Variants in RERE observed in about 807,000 individuals in gnomAD.
RERE encodes the protein arginine-glutamic acid dipeptide repeats, also known as arginine-glutamic acid dipeptide repeats protein.
A neutral mutation model predicts 146.1 loss-of-function variants in RERE; 40 were observed. The ratio of observed to expected loss-of-function variants is 0.27; its 90% CI spans 0.21 to 0.36. The LOEUF (loss-of-function observed/expected upper bound fraction) is 0.36. Among genes scored for constraint, RERE ranks in the 10% least tolerant of loss-of-function variants. RERE has a pLI of 1.00. For synonymous variants in RERE, 1,003 were observed against 866.0 expected (o/e 1.16, Z -2.78); for missense variants, 1,933 against 2,138.7 (o/e 0.90, Z 1.90).
intron 1 of RERE, among the ~76,000 whole-genome samples, chr1:8,678,200 T>G (rs1638884555): frequency 6.6e-6 from 1 of 152,206 alleles, no homozygotes; most frequent in South Asian, 2.1e-4. Flanking sequence ...AAAATCAATT[T>G]ATTAGATTTC....
intron 2 of RERE, among the ~76,000 whole-genome samples, chr1:8,651,755 A>G (rs780949464): frequency 2.9e-4 from 44 of 151,952 alleles, no homozygotes; most frequent in Non-Finnish European, 1.2e-4. Flanking sequence ...GAAACAAAAC[A>G]AAGGAAAGAA....
chr1:8,771,909 C>CAAAAAAAAAAAA (rs768264978), intron 1 of RERE, among the ~76,000 whole-genome samples: 6 of 59,350 alleles, frequency 1.0e-4, no homozygotes, highest in African/African-American at 1.8e-4. Flanking sequence ...GACTCTGTCT[C>CAAAAAAAAAAAA]AAAAAAAAAA....
At chr1:8,788,784 G>T (rs1457111275) in intron 1 of RERE, among the ~76,000 whole-genome samples, 1 of 151,698 alleles carries the variant, frequency 6.6e-6, no homozygotes, top group Non-Finnish European at 1.5e-5. Context: ...GACAGATGAG[G>T]ATTCAGGAGC....
At chr1:8,585,891 T>C (rs574364491) in intron 4 of RERE, among the ~76,000 whole-genome samples, 2 of 152,340 alleles carry the variant, frequency 1.3e-5, no homozygotes, top group African/African-American at 2.4e-5. Flanking sequence ...ATAATTAAAA[T>C]CTTACAATTT....
chr1:8,355,336 A>G, intron 22 of RERE, 83 bp downstream of exon 22: 4 of 1,440,466 alleles, frequency 2.8e-6, no homozygotes, highest in Non-Finnish European at 2.9e-6. Flanking sequence ...GCAGAGGGGG[A>G]GGAGCCTGGC....
chr1:8,643,810 C>A (rs1647216996), intron 2 of RERE, among the ~76,000 whole-genome samples: 1 of 152,198 alleles, frequency 6.6e-6, no homozygotes, highest in South Asian at 2.1e-4. Flanking sequence ...TTTTTCATTT[C>A]ATTTTCAATA....
At chr1:8,450,344 T>TC (rs1182758959) in intron 11 of RERE, among the ~76,000 whole-genome samples, 1 of 151,392 alleles carries the variant, frequency 6.6e-6, no homozygotes, top group Non-Finnish European at 1.5e-5. Flanking sequence ...AGCCAGGAGC[T>TC]CCAACAGCCA....
At chr1:8,777,412 C>T (rs924497232) in intron 1 of RERE, among the ~76,000 whole-genome samples, 20 of 151,782 alleles carry the variant, frequency 1.3e-4, no homozygotes, top group Admixed American at 9.2e-4. Flanking sequence ...ATTTTTATAA[C>T]TTTTTGAAGA....
intron 1 of RERE, among the ~76,000 whole-genome samples, chr1:8,753,030 GGTCT>G (rs1640569551): frequency 6.6e-6 from 1 of 152,088 alleles, no homozygotes; most frequent in Non-Finnish European, 1.5e-5. Context: ...AATTTTTAAA[GGTCT>G]GTTTATGAAA....
intron 1 of RERE, among the ~76,000 whole-genome samples, chr1:8,768,951 C>A (rs561237274): frequency 6.6e-6 from 1 of 152,132 alleles, no homozygotes; most frequent in African/African-American, 2.4e-5. Flanking sequence ...GGCCAGAGGT[C>A]GGCAAACGGT....
At chr1:8,554,055 T>C (rs564110160) in intron 6 of RERE, among the ~76,000 whole-genome samples, 1 of 152,198 alleles carries the variant, frequency 6.6e-6, no homozygotes, top group East Asian at 1.9e-4. Flanking sequence ...CACATGCCTG[T>C]AGTCCCAGCT....
intron 12 of RERE, among the ~76,000 whole-genome samples, chr1:8,404,148 G>A (rs556249740): frequency 6.6e-6 from 1 of 152,068 alleles, no homozygotes; most frequent in South Asian, 2.1e-4. Context: ...AAAAAATAGA[G>A]GCCGGGTGCG....
intron 4 of RERE, among the ~76,000 whole-genome samples, chr1:8,604,817 C>T (rs1245315801): frequency 6.6e-6 from 1 of 152,182 alleles, no homozygotes; most frequent in African/African-American, 2.4e-5. Flanking sequence ...GTCCAAACAA[C>T]TGACCACACA....
chr1:8,667,707 C>T (rs1638609609), intron 1 of RERE, among the ~76,000 whole-genome samples: 1 of 152,190 alleles, frequency 6.6e-6, no homozygotes, highest in African/African-American at 2.4e-5. Flanking sequence ...ACAAAACCCA[C>T]ACAAACTCAT....
chr1:8,383,753 G>A (rs1359963558), intron 12 of RERE, among the ~76,000 whole-genome samples: 1 of 152,130 alleles, frequency 6.6e-6, no homozygotes, highest in African/African-American at 2.4e-5. Context: ...CAGCTACTTA[G>A]GAGGCTGAGG....
rs1176449438 is a variant in RERE, at chr1:8,789,899, CT to C, written c.-145+27260del. On this transcript the variant is annotated intron_variant, in intron 1 of 22. Coordinates refer to ENST00000400908, the MANE Select transcript of RERE (RefSeq NM_001042681.2). ...GTCAACTTATTTAATCCACACCAAT[CT>C]CTAACCTGAAACTGAACTAAATTTG... Among the ~76,000 whole-genome samples the C allele has an allele frequency of 2.6e-5, 4 of 152,318 alleles. No individual in the cohort carries two copies. In the East Asian group the frequency reaches 7.7e-4, roughly 29 times the overall value.
chr1:8,661,671 GA>G (rs1402275653), intron 1 of RERE, among the ~76,000 whole-genome samples: 1 of 152,082 alleles, frequency 6.6e-6, no homozygotes, highest in African/African-American at 2.4e-5. Context: ...AGGTGAGAGA[GA>G]GAGGGAAAAA....
chr1:8,727,498 G>GT (rs913663378), intron 1 of RERE, among the ~76,000 whole-genome samples: 1 of 151,220 alleles, frequency 6.6e-6, no homozygotes, highest in African/African-American at 2.4e-5. Flanking sequence ...TTATTTTTTT[G>GT]TTGTTTGTTT....
At position 8,359,846 on chromosome 1, in the gene RERE, C is replaced by T. The variant is rs150925051; in HGVS notation, c.3536G>A (p.Arg1179Gln). Reference sequence around the variant, plus strand: ...CTCCTTCTCCCGCTCTCGCTCCTCTCGGGCTTTCTGCTCAGCCTCGCGCTT... The same window carrying T: ...CTCCTTCTCCCGCTCTCGCTCCTCTTGGGCTTTCTGCTCAGCCTCGCGCTT... ...KAKREAEQKA[R>Q]EEREREKEKE... is the part of the protein sequence containing the mutation. Residue 1179 changes from arginine to glutamine, a missense_variant, in exon 19 of 23, where the codon CGA (arginine) becomes CAA (glutamine). Coordinates refer to ENST00000400908, the MANE Select transcript of RERE (RefSeq NM_001042681.2). The T allele has an allele frequency of 3.4e-5, 55 of 1,610,856 alleles. No homozygotes were observed. Among genetic ancestry groups the T allele is most frequent in the East Asian group, 4.5e-5 (2 of 44,858 alleles).
Sources: gnomAD v4.1 joint callset for allele counts (sites outside exome capture counted in the v4.1 genomes callset) on GRCh38, gnomAD v4.1.1 for gene constraint, MANE v1.5 for transcripts, NCBI Gene and HGNC (gene_info 2026-07-23, HGNC 2026-07-21) for gene names.